RPS9: variants seen among roughly 807,000 people sequenced by gnomAD.
The protein encoded by RPS9 is small ribosomal subunit protein uS4.
In RPS9, 1 loss-of-function variant was observed where a neutral mutation model predicts 16.9. The ratio of observed to expected loss-of-function variants is 0.06; its 90% CI spans 0.02 to 0.28. The LOEUF is 0.28. Ranked by LOEUF, RPS9 falls within the 10% of genes least tolerant of loss-of-function variation. The pLI is 1.00. For missense variants in RPS9, 137 were observed against 273.2 expected, an observed-to-expected ratio of 0.50 and a Z score of 3.51; for synonymous variants, 106 against 110.9, an observed-to-expected ratio of 0.96 and a Z score of 0.28.
intron 3 of RPS9, chr19:54,201,880 G>C: frequency 1.8e-6 from 1 of 542,512 alleles, no homozygotes; most frequent in Non-Finnish European, 3.1e-6. Context: ...CTGGGCACCC[G>C]TCTATATCTT....
intron 4 of RPS9, chr19:54,207,121 A>T: frequency 2.0e-6 from 1 of 489,526 alleles, no homozygotes; most frequent in Non-Finnish European, 3.6e-6. Context: ...GGGCTCTCAC[A>T]TGGCCATCTC....
At chr19:54,205,729 T>C (rs968546184) in intron 3 of RPS9, among the ~76,000 whole-genome samples, 1 of 152,180 alleles carries the variant, frequency 6.6e-6, no homozygotes, top group Non-Finnish European at 1.5e-5. Flanking sequence ...ATGTATGCTC[T>C]CAGATGAGGA....
intron 4 of RPS9, 160 bp downstream of exon 4, chr19:54,206,622 A>T: frequency 1.3e-6 from 2 of 1,551,066 alleles, no homozygotes; most frequent in Non-Finnish European, 8.7e-7. Context: ...CTCACCAGGG[A>T]GCTGGGGCAG....
rs2077055394 is a variant in RPS9, at chr19:54,201,625, C to T, written c.220+16C>T. 6.2e-7 allele frequency: 1 copy of T among 1,613,980 alleles called. No individual in the cohort carries two copies. The highest frequency in any genetic ancestry group is 8.5e-7 in the Non-Finnish European group (1 of 1,179,974). Reference sequence around the variant, plus strand: ...CTGTTCGAAGGTGCGTATGGGAGTCCACAGCAGAGGGATGGGGTGCAGGGC... The same window carrying T: ...CTGTTCGAAGGTGCGTATGGGAGTCTACAGCAGAGGGATGGGGTGCAGGGC... On this transcript the variant is annotated intron_variant, in intron 3 of 4. Transcript: ENST00000302907.
Position 54,201,672 on chromosome 19 carries a change from C to G in RPS9, c.220+63C>G, listed in dbSNP as rs1294858953. On this transcript the variant is annotated intron_variant, in intron 3 of 4. Transcript: ENST00000302907. ...GGGCTTGTGAGGTTCATTCTCCCTT[C>G]TGTTGCCTCTGTTCCAGTGATGAGA... is the stretch of plus-strand genomic sequence containing the variant. 5 of 1,598,874 alleles carry G rather than the reference C, an allele frequency of 3.1e-6. No homozygotes were observed. In the African/African-American group the frequency reaches 5.4e-5, roughly 17 times the overall value.
At position 54,201,140 on chromosome 19, in the gene RPS9, C is replaced by G. The variant is rs1358995245; in HGVS notation, c.-25-20C>G. ...AGGCGCCGTTTGGATCCCTTACGCT[C>G]ACACTTCTCTCCCGCGCAGGCGCAG... On this transcript the variant is annotated intron_variant, in intron 1 of 4. Transcript: ENST00000302907. 5 of 1,612,040 alleles carry G rather than the reference C, an allele frequency of 3.1e-6. No individual in the cohort carries two copies. In the South Asian group the frequency reaches 3.3e-5, roughly 11 times the overall value.
At chr19:54,201,418 C>G in intron 2 of RPS9, 69 bp from the exon 3 acceptor site, 1 of 1,609,154 alleles carries the variant, frequency 6.2e-7, no homozygotes. Flanking sequence ...TTTGTGATTC[C>G]AAAGCTGCCA....
chr19:54,205,787 TGAC>T (rs2077220104), intron 3 of RPS9, among the ~76,000 whole-genome samples: 2 of 152,194 alleles, frequency 1.3e-5, no homozygotes, highest in South Asian at 4.1e-4. Context: ...CTATGAATGA[TGAC>T]CTGACAACCA....
At position 54,207,633 on chromosome 19, in the gene RPS9, A is replaced by C; in HGVS notation, c.*58A>C. The C allele has an allele frequency of 1.4e-6, 2 of 1,462,164 alleles. No homozygotes were observed. The highest frequency in any genetic ancestry group is 2.6e-5 in the South Asian group (2 of 76,008). The allele number at this position is 1,462,164 out of a possible 1,614,324, so 90.6% of individuals were successfully genotyped here. On this transcript the variant is annotated 3_prime_UTR_variant, in exon 5 of 5. Coordinates refer to ENST00000302907, the MANE Select transcript of RPS9 (RefSeq NM_001013.4). Reference sequence around the variant, plus strand: ...CTCGTTTTCCTGCCAAATAAACAGGATCAGCGCTTTACAATTGGTGTGTGG... The same window carrying C: ...CTCGTTTTCCTGCCAAATAAACAGGCTCAGCGCTTTACAATTGGTGTGTGG...
chr19:54,201,464 G>T (rs1476275609), intron 2 of RPS9, 23 bp from the exon 3 acceptor site: 1 of 1,613,960 alleles, frequency 6.2e-7, no homozygotes, highest in South Asian at 1.1e-5. Context: ...GACTACACTT[G>T]TCCACCCCCT....
At chr19:54,206,908 A>G (rs780584684) in intron 4 of RPS9, 1 of 541,816 alleles carries the variant, frequency 1.8e-6, no homozygotes, top group Non-Finnish European at 3.2e-6. Flanking sequence ...AGCTGTACAG[A>G]AAGAGGGCAA....
In RPS9 at chr19:54,202,383, C is replaced by G. The variant is rs1392252500; in HGVS notation, c.220+774C>G. On this transcript the variant is annotated intron_variant, in intron 3 of 4. Coordinates refer to ENST00000302907, the MANE Select transcript of RPS9 (RefSeq NM_001013.4). ...TATTATTAGTGGAGATGGGTTTTCA[C>G]CATGTTGTCCAGGCTGGTGCTTGTT... The G allele has an allele frequency of 1.9e-5, 18 of 972,900 alleles. No homozygotes were observed. In the Middle Eastern group the frequency reaches 1.6e-3, roughly 85 times the overall value. 60.3% of individuals were successfully genotyped at this position (972,900 alleles called of 1,614,324 possible).
intron 3 of RPS9, 41 bp from the exon 4 acceptor site, chr19:54,206,235 G>A (rs2077236272): frequency 1.3e-6 from 2 of 1,597,096 alleles, no homozygotes; most frequent in Non-Finnish European, 1.7e-6. Context: ...AGAAGCCTGA[G>A]GTCAGAAGGC....
rs2077246168 is a variant in RPS9, at chr19:54,206,501, G to C, written c.407+39G>C. ...TGGGCACCTGAATCTTCCTCCACCTGCCCCTCTGATGGTTGCCCTCACTAA... is the reference window on the plus strand; with the variant it reads ...TGGGCACCTGAATCTTCCTCCACCTCCCCCTCTGATGGTTGCCCTCACTAA... On this transcript the variant is annotated intron_variant, in intron 4 of 4. Transcript: ENST00000302907. The C allele has an allele frequency of 1.9e-6, 3 of 1,611,402 alleles. No homozygotes were observed. The African/African-American group carries it at 4.0e-5, about 21-fold the overall frequency.
intron 4 of RPS9, 148 bp downstream of exon 4, chr19:54,206,610 A>G (rs1242779862): frequency 1.3e-6 from 2 of 1,551,690 alleles, no homozygotes; most frequent in South Asian, 1.2e-5. Flanking sequence ...CCTTGCACAC[A>G]GCTCACCAGG....
chr19:54,203,143 A>T (rs767833080), intron 3 of RPS9: 55 of 953,926 alleles, frequency 5.8e-5, no homozygotes, highest in Non-Finnish European at 6.6e-5. Context: ...GGTTTTAGGG[A>T]GGACTTTCTG....
In RPS9 at chr19:54,206,427, C is replaced by G; in HGVS notation, c.372C>G (p.His124Gln). ...AGCTGGGCTTGGCCAAGTCCATCCA[C>G]CACGCTCGCGTGCTGATCCGCCAGC... is the stretch of plus-strand genomic sequence containing the variant. ...VFKLGLAKSIHHARVLIRQRH... is the reference protein window; with the variant it reads ...VFKLGLAKSIQHARVLIRQRH... Residue 124 changes from histidine (H) to glutamine (Q), a missense_variant, in exon 4 of 5, where the codon CAC (histidine) becomes CAG (glutamine). Coordinates refer to ENST00000302907, the MANE Select transcript of RPS9 (RefSeq NM_001013.4). 1 of 1,614,292 alleles carries G rather than the reference C, an allele frequency of 6.2e-7. No homozygotes were observed. The highest frequency in any genetic ancestry group is 8.5e-7 in the Non-Finnish European group (1 of 1,180,052).
chr19:54,206,162 A>G (rs1183360186), intron 3 of RPS9, 114 bp from the exon 4 acceptor site: 1 of 1,008,954 alleles, frequency 9.9e-7, no homozygotes, highest in Admixed American at 2.4e-5. Context: ...ATGGCGCTGT[A>G]CTACTTGTGC....
chr19:54,206,698 C>T, intron 4 of RPS9: 2 of 1,518,480 alleles, frequency 1.3e-6, no homozygotes, highest in African/African-American at 1.4e-5. Context: ...GTGAAGGCCT[C>T]TGCCAGGCAT....
Sources: allele counts gnomAD v4.1 joint callset (sites outside exome capture counted in the v4.1 genomes callset), GRCh38; gene constraint gnomAD v4.1.1; transcripts MANE v1.5; gene names NCBI Gene and HGNC (gene_info 2026-07-23, HGNC 2026-07-21).